KIT: variants seen among roughly 807,000 people sequenced by gnomAD.
KIT encodes KIT proto-oncogene, receptor tyrosine kinase.
KIT carries 16 observed loss-of-function variants against 105.7 expected under a neutral mutation model. That is an observed-to-expected ratio of 0.15 (90% CI 0.10 to 0.23). KIT has a LOEUF of 0.23. Ranked by LOEUF, KIT falls within the 10% of genes least tolerant of loss-of-function variation. The pLI is 1.00. For missense variants in KIT, 858 were observed against 1,213.8 expected (o/e 0.71, Z 4.36); for synonymous variants, 438 against 441.1 (o/e 0.99, Z 0.09).
chr4:54,711,783 T>C (rs1721177242), intron 7 of KIT, among the ~76,000 whole-genome samples: 1 of 152,040 alleles, frequency 6.6e-6, no homozygotes, highest in Admixed American at 6.5e-5. Context: ...TTCAGCTGGT[T>C]GCGATGATGA....
At chr4:54,704,846 G>A (rs893397646) in intron 5 of KIT, among the ~76,000 whole-genome samples, 9 of 151,926 alleles carry the variant, frequency 5.9e-5, no homozygotes, top group African/African-American at 1.7e-4. Flanking sequence ...CTCTTTCCCC[G>A]CCTCACCAAA....
chr4:54,737,776 G>A (rs1295191980), intron 20 of KIT, among the ~76,000 whole-genome samples: 2 of 152,214 alleles, frequency 1.3e-5, no homozygotes, highest in East Asian at 3.8e-4. Context: ...ATGAAGAGCT[G>A]TTTGAAGTTG....
Position 54,727,218 on chromosome 4 carries a change from A to C in KIT, c.1541A>C (p.Glu514Ala). The C allele has an allele frequency of 6.2e-7, 1 of 1,613,722 alleles. No homozygotes were observed. The highest frequency in any genetic ancestry group is 1.3e-5 in the African/African-American group (1 of 75,002). The part of the protein sequence containing the change: ...FNFAFKGNNK[E>A]QIHPHTLFTP... ...ATTCCACATTTCTCTTCCATTGTAG[A>C]GCAAATCCATCCCCACACCCTGTTC... Residue 514 changes from glutamate (E) to alanine (A), a missense_variant and splice_region_variant, in exon 10 of 21, where the codon GAG becomes GCG. By Grantham distance (107) the Glu-to-Ala change is moderately radical. Coordinates refer to ENST00000288135, the MANE Select transcript of KIT (RefSeq NM_000222.3).
At chr4:54,727,972 A>G (rs2109780830) in intron 12 of KIT, 39 bp from the exon 13 acceptor site, 3 of 1,612,846 alleles carry the variant, frequency 1.9e-6, no homozygotes, top group Non-Finnish European at 2.5e-6. Flanking sequence ...TCAGTTTGCC[A>G]GTTGTGCTTT....
rs187201828 is a variant in KIT, at chr4:54,692,769, G to A, written c.68-2743G>A. Reference sequence around the variant, plus strand: ...GCCACATTTAGATGCTGCACCTAGCGGACTCAACGTCTCACTCTGTAGCCT... The same window carrying A: ...GCCACATTTAGATGCTGCACCTAGCAGACTCAACGTCTCACTCTGTAGCCT... On this transcript the variant is annotated intron_variant, in intron 1 of 20. Transcript: ENST00000288135. Among the ~76,000 whole-genome samples the A allele has an allele frequency of 8.5e-5, 13 of 152,244 alleles. No individual in the cohort carries two copies. In the East Asian group the frequency reaches 1.4e-3, roughly 16 times the overall value.
intron 5 of KIT, among the ~76,000 whole-genome samples, chr4:54,706,351 A>G (rs866226858): frequency 9.9e-5 from 15 of 152,266 alleles, no homozygotes; most frequent in African/African-American, 2.6e-4. Flanking sequence ...TAGTTTTGCT[A>G]TTTTTAATAA....
chr4:54,690,716 C>T (rs144186244), intron 1 of KIT, among the ~76,000 whole-genome samples: 1,672 of 152,326 alleles, frequency 0.011, 19 homozygotes, highest in Non-Finnish European at 0.012. Context: ...CTACCACGCA[C>T]ATTTCAAAAT....
At chr4:54,682,216 A>G (rs1438652513) in intron 1 of KIT, among the ~76,000 whole-genome samples, 1 of 151,424 alleles carries the variant, frequency 6.6e-6, no homozygotes, top group Non-Finnish European at 1.5e-5. Flanking sequence ...TAGCCTCCCA[A>G]GGAGCTGGGA....
intron 1 of KIT, among the ~76,000 whole-genome samples, chr4:54,661,568 T>C (rs996545035): frequency 6.6e-6 from 1 of 152,196 alleles, no homozygotes; most frequent in Non-Finnish European, 1.5e-5. Flanking sequence ...TCAGAATGAA[T>C]GTAGTTTAAG....
chr4:54,660,437 G>A (rs1201896843), intron 1 of KIT, among the ~76,000 whole-genome samples: 2 of 152,098 alleles, frequency 1.3e-5, no homozygotes, highest in Non-Finnish European at 2.9e-5. Flanking sequence ...TTATCCTGCT[G>A]GAAATAAGAG....
Position 54,731,954 on chromosome 4 carries a change from T to G in KIT, c.2317T>G (p.Ser773Ala). 1.2e-6 allele frequency: 2 copies of G among 1,613,848 alleles called. No homozygotes were observed. The highest frequency in any genetic ancestry group is 1.7e-6 in the Non-Finnish European group (2 of 1,179,818). ...ALDLEDLLSFSYQVAKGMAFL... is the reference protein window; with the variant it reads ...ALDLEDLLSFAYQVAKGMAFL... ...AGACTTAGAAGACTTGCTGAGCTTT[T>G]CTTACCAGGTGGCAAAGGGCATGGC... The change falls in exon 16 of 21, where the codon TCT (serine) becomes GCT (alanine). Residue 773 changes from serine (S) to alanine (A), a missense_variant. Physicochemically the swap from Ser to Ala is moderately conservative, Grantham distance 99. Coordinates refer to ENST00000288135, the MANE Select transcript of KIT (RefSeq NM_000222.3).
chr4:54,677,069 T>G lies in KIT; in HGVS notation c.68-18443T>G, dbSNP rs564865525. 7.9e-5 allele frequency among the ~76,000 whole-genome samples: 12 copies of G among 152,244 alleles called. 1 individual carries two copies. The South Asian group carries it at 2.5e-3, about 32-fold the overall frequency. On this transcript the variant is annotated intron_variant, in intron 1 of 20. Coordinates refer to ENST00000288135, the MANE Select transcript of KIT (RefSeq NM_000222.3). ...TGGAGTTAAATATAAACTCTATGGG[T>G]GAGGGGTGGGGAATTCTTGCCCTCT...
chr4:54,702,436 C>G (rs535099973), intron 4 of KIT, among the ~76,000 whole-genome samples: 1 of 152,124 alleles, frequency 6.6e-6, no homozygotes, highest in East Asian at 1.9e-4. Flanking sequence ...ATTTACAACA[C>G]AACTTACTTT....
chr4:54,688,011 A>C (rs576372367), intron 1 of KIT, among the ~76,000 whole-genome samples: 1 of 152,298 alleles, frequency 6.6e-6, no homozygotes, highest in South Asian at 2.1e-4. Context: ...TCCCCATAGT[A>C]GAACAGGGAC....
At chr4:54,688,796 AAG>A (rs1224974190) in intron 1 of KIT, among the ~76,000 whole-genome samples, 1 of 151,952 alleles carries the variant, frequency 6.6e-6, no homozygotes, top group African/African-American at 2.4e-5. Flanking sequence ...ATGTGAACTG[AAG>A]AGTAGTTGAA....
At chr4:54,723,732 C>A (rs2109761653) in intron 8 of KIT, 34 bp downstream of exon 8, 1 of 1,208,806 alleles carries the variant, frequency 8.3e-7, no homozygotes, top group Non-Finnish European at 1.2e-6. Flanking sequence ...GCTTATAATG[C>A]AGAGGGGAAG....
chr4:54,725,966 A>G lies in KIT; in HGVS notation c.1456A>G (p.Asn486Asp). 2.5e-6 allele frequency: 4 copies of G among 1,614,178 alleles called. No individual in the cohort carries two copies. The highest frequency in any genetic ancestry group is 3.4e-6 in the Non-Finnish European group (4 of 1,180,000). ...TATAGATTCTAGTGCATTCAAGCAC[A>G]ATGGCACGGTTGAATGTAAGGCTTA... is the stretch of plus-strand genomic sequence containing the variant. ...SSIDSSAFKH[N>D]GTVECKAYND... Residue 486 changes from asparagine (N) to aspartate (D), a missense_variant, in exon 9 of 21, where the codon AAT becomes GAT. Coordinates refer to ENST00000288135, the MANE Select transcript of KIT (RefSeq NM_000222.3).
chr4:54,710,516 GCTTA>G (rs548697822), intron 7 of KIT, among the ~76,000 whole-genome samples: 3 of 152,130 alleles, frequency 2.0e-5, no homozygotes, highest in Admixed American at 1.3e-4. Context: ...TCTTGAAGGA[GCTTA>G]CTTTCTGTAC....
intron 7 of KIT, among the ~76,000 whole-genome samples, chr4:54,714,490 G>A (rs1232403191): frequency 6.6e-6 from 1 of 151,934 alleles, no homozygotes. Context: ...CTTTATAGTG[G>A]ACTTAAAGGA....
Sources: gnomAD v4.1 joint callset for allele counts (sites outside exome capture counted in the v4.1 genomes callset) on GRCh38, gnomAD v4.1.1 for gene constraint, MANE v1.5 for transcripts, NCBI Gene and HGNC (gene_info 2026-07-23, HGNC 2026-07-21) for gene names.